The following VCPIP1 variants were observed in gnomAD, a reference collection of about 807,000 sequenced individuals.
The protein encoded by VCPIP1 is valosin containing protein interacting protein 1.
In VCPIP1, 8 loss-of-function variants were observed where a neutral mutation model predicts 85.0. The observed-to-expected ratio is 0.09, with a 90% confidence interval of 0.06 to 0.17. The LOEUF (loss-of-function observed/expected upper bound fraction) is 0.17. Ranked by LOEUF, VCPIP1 falls within the 10% of genes least tolerant of loss-of-function variation. The probability of loss-of-function intolerance (pLI) is 1.00; values close to 1 mark genes in which losing one functional copy is unlikely to be tolerated. For synonymous variants in VCPIP1, 543 were observed against 544.5 expected, an observed-to-expected ratio of 1.00 and a Z score of 0.04; for missense variants, 1,070 against 1,486.3, an observed-to-expected ratio of 0.72 and a Z score of 4.61.
intron 1 of VCPIP1, among the ~76,000 whole-genome samples, chr8:66,656,416 T>A (rs909776272): frequency 8.5e-5 from 13 of 152,176 alleles, no homozygotes; most frequent in Non-Finnish European, 1.6e-4. Context: ...TGGTCTTGAA[T>A]GCCTGGTCTC....
rs1232541353 is a variant in VCPIP1, at chr8:66,634,935, T to A, written c.3235A>T (p.Ser1079Cys). 1.9e-6 allele frequency: 3 copies of A among 1,613,522 alleles called. No individual in the cohort carries two copies. Among genetic ancestry groups the A allele is most frequent in the Non-Finnish European group, 2.5e-6 (3 of 1,179,676 alleles). ...CCAGGAGCTATTCGAATAAGCTCAC[T>A]ATTACTAGAAGAAGCTGTGAATACA... is the stretch of plus-strand genomic sequence containing the variant. ...PSVFTASSSN[S>C]ELIRIAPGVV... The change falls in exon 3 of 3, where the codon AGT (serine) becomes TGT (cysteine). Residue 1079 changes from serine to cysteine, a missense_variant. Coordinates refer to ENST00000310421, the MANE Select transcript of VCPIP1 (RefSeq NM_025054.5).
At chr8:66,642,785 C>G (rs1157377780) in intron 2 of VCPIP1, among the ~76,000 whole-genome samples, 2 of 151,992 alleles carry the variant, frequency 1.3e-5, no homozygotes, top group African/African-American at 4.8e-5. Flanking sequence ...GATAGCCATC[C>G]CCATGCCACC....
rs1810850221 is a variant in VCPIP1 at position 66,633,116 on chromosome 8, T to G, written c.*1385A>C. The G allele has an allele frequency of 6.6e-6, 1 of 152,536 alleles. No individual in the cohort carries two copies. The highest frequency in any genetic ancestry group is 2.1e-4 in the South Asian group (1 of 4,828). The allele number at this position is 152,536 out of a possible 1,614,324, so 9.4% of individuals were successfully genotyped here. On this transcript the variant is annotated 3_prime_UTR_variant, in exon 3 of 3. Transcript: ENST00000310421. ...AAGTACTGTCTATATCCCTTATGAA[T>G]CAACAGGCAGAGATTTTTAAACATC...
intron 2 of VCPIP1, among the ~76,000 whole-genome samples, chr8:66,648,808 C>T (rs1326024526): frequency 2.6e-5 from 4 of 151,960 alleles, no homozygotes; most frequent in African/African-American, 4.8e-5. Flanking sequence ...CTGCCCAACT[C>T]GGCCTCCCAA....
Position 66,666,813 on chromosome 8 carries a change from C to A in VCPIP1, c.146G>T (p.Cys49Phe). The A allele has an allele frequency of 6.2e-7, 1 of 1,613,976 alleles. No individual in the cohort carries two copies. Among genetic ancestry groups the A allele is most frequent in the East Asian group, 2.2e-5 (1 of 44,882 alleles). Residue 49 changes from cysteine to phenylalanine, a missense_variant, in exon 1 of 3, where the codon TGC (cysteine) becomes TTC (phenylalanine). Physicochemically the swap from Cys to Phe is radical, Grantham distance 205. This residue lies in a region of VCPIP1 where 164 missense variants were observed against 158.6 expected (regional missense o/e 1.03). Coordinates refer to ENST00000310421, the MANE Select transcript of VCPIP1 (RefSeq NM_025054.5). This position sits in a 1 kb window ranked among gnomAD's most constrained non-coding sequence, Gnocchi z 6.3. ...RRDRRILSGS[C>F]PDPKCQARLF... Reference sequence around the variant, plus strand: ...ACGCGCCTGACACTTCGGATCCGGGCAGCTCCCGGAAAGGATTCTCCGGTC... The same window carrying A: ...ACGCGCCTGACACTTCGGATCCGGGAAGCTCCCGGAAAGGATTCTCCGGTC...
chr8:66,667,104 A>G lies in VCPIP1; in HGVS notation c.-146T>C, dbSNP rs976630303. ...ACCAGCTCTTCCTCCTCCTAAGCGA[A>G]GGCGGAAGCGCCGGACGTTGTTTCT... On this transcript the variant is annotated 5_prime_UTR_variant, in exon 1 of 3. Transcript: ENST00000310421. The G allele has an allele frequency of 7.2e-7, 1 of 1,396,088 alleles. No individual in the cohort carries two copies. Among genetic ancestry groups the G allele is most frequent in the African/African-American group, 1.4e-5 (1 of 69,086 alleles). 86.5% of individuals were successfully genotyped at this position (1,396,088 alleles called of 1,614,324 possible). A position where few individuals can be genotyped will look rare whatever the true frequency, so the allele number is the denominator to read the frequency against.
chr8:66,647,467 C>T (rs1017046872), intron 2 of VCPIP1, among the ~76,000 whole-genome samples: 3 of 151,906 alleles, frequency 2.0e-5, no homozygotes, highest in Non-Finnish European at 4.4e-5. Flanking sequence ...ATGGAGGACT[C>T]ACACTGATTT....
intron 2 of VCPIP1, among the ~76,000 whole-genome samples, chr8:66,638,554 T>C (rs1443015187): frequency 2.8e-5 from 4 of 140,394 alleles, no homozygotes; most frequent in African/African-American, 1.1e-4. Context: ...CCAAGGCGGG[T>C]GGATCACGAG....
chr8:66,664,022 G>A (rs1423923449), intron 1 of VCPIP1, among the ~76,000 whole-genome samples: 1 of 152,134 alleles, frequency 6.6e-6, no homozygotes, highest in Non-Finnish European at 1.5e-5. Flanking sequence ...TAAATAATCT[G>A]TTGACTATTA....
intron 2 of VCPIP1, among the ~76,000 whole-genome samples, chr8:66,638,970 C>CTCTCTCTCTATATATATATA: frequency 9.3e-5 from 11 of 118,438 alleles, no homozygotes; most frequent in African/African-American, 3.9e-4. Flanking sequence ...CTCTCTCTCT[C>CTCTCTCTCTATATATATATA]TATATATATA....
At chr8:66,656,715 T>C (rs952190391) in intron 1 of VCPIP1, among the ~76,000 whole-genome samples, 21 of 152,058 alleles carry the variant, frequency 1.4e-4, no homozygotes, top group Admixed American at 1.4e-3. Flanking sequence ...GTTCCAGCAA[T>C]TCTCCTGCCT....
intron 1 of VCPIP1, among the ~76,000 whole-genome samples, chr8:66,658,478 G>C (rs1811121658): frequency 6.6e-6 from 1 of 151,256 alleles, no homozygotes. Flanking sequence ...TCCCAAGCGT[G>C]ATTCTGGAAA....
At chr8:66,645,724 A>G (rs2130159742) in intron 2 of VCPIP1, among the ~76,000 whole-genome samples, 1 of 144,160 alleles carries the variant, frequency 6.9e-6, no homozygotes, top group East Asian at 2.0e-4. Flanking sequence ...GTTCAAGACT[A>G]GCCTGGGCAG....
chr8:66,643,725 G>GA (rs1397976753), intron 2 of VCPIP1, among the ~76,000 whole-genome samples: 2 of 148,718 alleles, frequency 1.3e-5, no homozygotes, highest in African/African-American at 4.9e-5. Context: ...AAAGAAATAA[G>GA]AAAAAAAAGA....
intron 1 of VCPIP1, among the ~76,000 whole-genome samples, chr8:66,661,233 G>A (rs1156679775): frequency 1.3e-5 from 2 of 152,156 alleles, no homozygotes; most frequent in East Asian, 3.9e-4. Flanking sequence ...TGTGTTGGTA[G>A]TGGAAGAAGT....
rs1811063498 is a variant in VCPIP1, at chr8:66,652,465, T to C, written c.2711-921A>G. Reference sequence around the variant, plus strand: ...CCTGTCTCTATTAAAAATACAAAAATTAGCTGAACGTGGTGGCGTGCACCT... The same window carrying C: ...CCTGTCTCTATTAAAAATACAAAAACTAGCTGAACGTGGTGGCGTGCACCT... On this transcript the variant is annotated intron_variant, in intron 1 of 2. Coordinates refer to ENST00000310421, the MANE Select transcript of VCPIP1 (RefSeq NM_025054.5). Among the ~76,000 whole-genome samples the C allele has an allele frequency of 2.6e-5, 4 of 151,228 alleles. No homozygotes were observed. The South Asian group carries it at 6.3e-4, about 24-fold the overall frequency.
In VCPIP1 at chr8:66,634,922, C is replaced by T; in HGVS notation, c.3248G>A (p.Arg1083Gln). The part of the protein sequence containing the change: ...TASSSNSELI[R>Q]IAPGVVTMRD... ...CATTGTTACTACTCCAGGAGCTATT[C>T]GAATAAGCTCACTATTACTAGAAGA... Residue 1083 changes from arginine (R) to glutamine (Q), a missense_variant, in exon 3 of 3, where the codon CGA becomes CAA. Physicochemically the swap from Arg to Gln is conservative, Grantham distance 43 (BLOSUM62 1). This residue lies in a region of VCPIP1 where 255 missense variants were observed against 289.5 expected (regional missense o/e 0.88). Transcript: ENST00000310421. The T allele has an allele frequency of 6.2e-7, 1 of 1,613,388 alleles. No individual in the cohort carries two copies. Among genetic ancestry groups the T allele is most frequent in the South Asian group, 1.1e-5 (1 of 90,986 alleles).
chr8:66,635,263 G>A lies in VCPIP1; in HGVS notation c.2907C>T (p.Phe969=), dbSNP rs1310319608. 1 of 1,614,166 alleles carries A rather than the reference G, an allele frequency of 6.2e-7. No homozygotes were observed. Among genetic ancestry groups the A allele is most frequent in the East Asian group, 2.2e-5 (1 of 44,890 alleles). Residue 969 remains phenylalanine, a synonymous_variant, in exon 3 of 3, where the codon TTC becomes TTT. Transcript: ENST00000310421. ...LELCVDAAGH[F]PIGPDVEDLV... ...AATCTTCAACATCAGGACCAATGGG[G>A]AAATGTCCTGCAGCATCCACACACA...
intron 2 of VCPIP1, among the ~76,000 whole-genome samples, chr8:66,641,671 C>T (rs775556053): frequency 3.9e-5 from 6 of 152,208 alleles, no homozygotes; most frequent in Admixed American, 6.5e-5. Context: ...TCTAAGTGTT[C>T]CTATTCTGGA....
Sources: gnomAD v4.1 joint callset for allele counts (sites outside exome capture counted in the v4.1 genomes callset) on GRCh38, gnomAD v4.1.1 for gene constraint, gnomAD v4.1.1 regional missense constraint, Gnocchi (gnomAD v3.1) non-coding constraint, MANE v1.5 for transcripts, NCBI Gene and HGNC (gene_info 2026-07-23, HGNC 2026-07-21) for gene names.